Variants in AMBRA1 observed in about 807,000 individuals in gnomAD.
The protein encoded by AMBRA1 is activating molecule in BECN1-regulated autophagy protein 1.
AMBRA1 carries 47 observed loss-of-function variants against 125.4 expected under a neutral mutation model. The ratio of observed to expected loss-of-function variants is 0.37; its 90% confidence interval spans 0.30 to 0.48. The LOEUF (loss-of-function observed/expected upper bound fraction) is 0.48. Among genes scored for constraint, AMBRA1 ranks in the 20% least tolerant of loss-of-function variants. AMBRA1 has a pLI of 0.99. For synonymous variants in AMBRA1, 626 were observed against 655.5 expected, an observed-to-expected ratio of 0.95 and a Z score of 0.69; for missense variants, 1,331 against 1,693.4, an observed-to-expected ratio of 0.79 and a Z score of 3.76.
intron 7 of AMBRA1, chr11:46,518,195 C>T (rs971941845): frequency 5.8e-5 from 30 of 513,210 alleles, no homozygotes; most frequent in Non-Finnish European, 7.5e-5. Flanking sequence ...TTTGGGAGGC[C>T]GAGGTGGGCA....
chr11:46,550,729 T>C (rs1024410529), intron 1 of AMBRA1, among the ~76,000 whole-genome samples: 1 of 152,112 alleles, frequency 6.6e-6, no homozygotes, highest in African/African-American at 2.4e-5. Context: ...GATAACCAAG[T>C]GTCCATCTAA....
At chr11:46,477,907 C>CT (rs1340117391) in intron 11 of AMBRA1, among the ~76,000 whole-genome samples, 1 of 151,898 alleles carries the variant, frequency 6.6e-6, no homozygotes, top group African/African-American at 2.4e-5. Context: ...GAAACCCCAT[C>CT]TCTACTAAAA....
At chr11:46,535,854 G>A (rs967148947) in intron 7 of AMBRA1, among the ~76,000 whole-genome samples, 2 of 152,182 alleles carry the variant, frequency 1.3e-5, no homozygotes, top group African/African-American at 4.8e-5. Flanking sequence ...TGAGTCATCA[G>A]TGTAAAGCCA....
At chr11:46,465,062 T>C (rs1013669954) in intron 11 of AMBRA1, among the ~76,000 whole-genome samples, 2 of 149,918 alleles carry the variant, frequency 1.3e-5, no homozygotes, top group African/African-American at 5.0e-5. Context: ...AAATAAAAAA[T>C]AAAAAAAAAT....
intron 1 of AMBRA1, among the ~76,000 whole-genome samples, chr11:46,583,396 C>T (rs999540968): frequency 1.3e-4 from 20 of 151,642 alleles, no homozygotes; most frequent in African/African-American, 3.9e-4. Context: ...ACCATAAAAA[C>T]GCTAGAAGAA....
chr11:46,420,693 G>A (rs543791673), intron 14 of AMBRA1, among the ~76,000 whole-genome samples: 2 of 152,274 alleles, frequency 1.3e-5, no homozygotes, highest in South Asian at 4.2e-4. Context: ...AAGGTCAGAT[G>A]GTGTGAGCAG....
rs904391334 is a variant in AMBRA1 at position 46,481,586 on chromosome 11, C to A, written c.2521+12022G>T. 1.6e-4 allele frequency among the ~76,000 whole-genome samples: 25 copies of A among 152,180 alleles called. 1 individual carries two copies. Among genetic ancestry groups the A allele is most frequent in the Admixed American group, 6.5e-5 (1 of 15,268 alleles). ...CCATGTTGGTCAGGCTGGTCTCGAA[C>A]TCCCGACTTCAGGTGATCGGCCTGC... On this transcript the variant is annotated intron_variant, in intron 11 of 17. Coordinates refer to ENST00000683756, the MANE Select transcript of AMBRA1 (RefSeq NM_001387011.1).
chr11:46,481,581 T>G (rs1950071735), intron 11 of AMBRA1, among the ~76,000 whole-genome samples: 1 of 152,160 alleles, frequency 6.6e-6, no homozygotes, highest in Non-Finnish European at 1.5e-5. Context: ...CAGGCTGGTC[T>G]CGAACTCCCG....
At chr11:46,482,945 G>A (rs1950129789) in intron 11 of AMBRA1, among the ~76,000 whole-genome samples, 1 of 151,156 alleles carries the variant, frequency 6.6e-6, no homozygotes, top group Non-Finnish European at 1.5e-5. Context: ...GGAGGCGGAG[G>A]TTGCAGTGAG....
At chr11:46,428,777 T>C (rs14196) in intron 14 of AMBRA1, 1 of 1,611,264 alleles carries the variant, frequency 6.2e-7, no homozygotes, top group Admixed American at 1.7e-5. Flanking sequence ...TCTGTAGGTA[T>C]CTCTGTCAGC....
chr11:46,443,416 A>G, intron 12 of AMBRA1, 72 bp downstream of exon 12: 1 of 1,234,030 alleles, frequency 8.1e-7, no homozygotes, highest in South Asian at 1.2e-5. Flanking sequence ...CCAGTGCTCC[A>G]TGAATTTTTG....
intron 14 of AMBRA1, chr11:46,428,942 T>A: frequency 6.2e-7 from 1 of 1,612,148 alleles, no homozygotes; most frequent in East Asian, 2.2e-5. Context: ...ATTGGTAAGG[T>A]ACCAGTAGAA....
chr11:46,497,665 A>G (rs1950685314), intron 9 of AMBRA1, among the ~76,000 whole-genome samples: 1 of 152,244 alleles, frequency 6.6e-6, no homozygotes. Flanking sequence ...CTGAGCAGGT[A>G]AAACCTTGAA....
intron 17 of AMBRA1, among the ~76,000 whole-genome samples, chr11:46,402,522 T>G (rs920567831): frequency 6.6e-6 from 1 of 152,036 alleles, no homozygotes; most frequent in African/African-American, 2.4e-5. Context: ...CCACCACACT[T>G]AGCTAATTTT....
At chr11:46,437,886 G>GT (rs1947805242) in intron 12 of AMBRA1, among the ~76,000 whole-genome samples, 1 of 152,194 alleles carries the variant, frequency 6.6e-6, no homozygotes, top group African/African-American at 2.4e-5. Flanking sequence ...AGAAGTCTTT[G>GT]TGGTGCTCCA....
At chr11:46,589,705 C>T (rs777145856) in intron 1 of AMBRA1, among the ~76,000 whole-genome samples, 165 of 151,966 alleles carry the variant, frequency 1.1e-3, no homozygotes, top group Non-Finnish European at 1.4e-3. Flanking sequence ...CTGCAAGCTC[C>T]GCCTACCGGG....
chr11:46,433,197 G>A (rs762967968), intron 14 of AMBRA1, among the ~76,000 whole-genome samples: 9 of 152,146 alleles, frequency 5.9e-5, no homozygotes, highest in Non-Finnish European at 1.0e-4. Flanking sequence ...AAAGTTTCAC[G>A]TAGAAGTAAG....
chr11:46,417,716 T>C (rs1040114751), intron 15 of AMBRA1, among the ~76,000 whole-genome samples, 197 bp downstream of exon 15: 1 of 152,184 alleles, frequency 6.6e-6, no homozygotes, highest in African/African-American at 2.4e-5. Flanking sequence ...TAAATCAGTC[T>C]CTGGATGAAA....
chr11:46,408,349 A>G (rs1946124991), intron 17 of AMBRA1, among the ~76,000 whole-genome samples, 164 bp downstream of exon 17: 1 of 152,182 alleles, frequency 6.6e-6, no homozygotes. Flanking sequence ...GAGCTGCAAG[A>G]GTGACCCAGC....
Sources: gnomAD v4.1 joint callset for allele counts (sites outside exome capture counted in the v4.1 genomes callset) on GRCh38, gnomAD v4.1.1 for gene constraint, MANE v1.5 for transcripts, NCBI Gene and HGNC (gene_info 2026-07-23, HGNC 2026-07-21) for gene names.